MYO1E: variants seen among roughly 807,000 people sequenced by gnomAD.
The protein encoded by MYO1E is unconventional myosin-Ie.
A neutral mutation model predicts 151.1 loss-of-function variants in MYO1E; 68 were observed. The ratio of observed to expected loss-of-function variants is 0.45; its 90% CI spans 0.37 to 0.55. The LOEUF is 0.55. Among genes scored for constraint, MYO1E ranks in the 20% least tolerant of loss-of-function variants. MYO1E has a pLI of 0.00. For missense variants in MYO1E, 1,363 were observed against 1,389.3 expected, an observed-to-expected ratio of 0.98 and a Z score of 0.30; for synonymous variants, 601 against 501.7, an observed-to-expected ratio of 1.20 and a Z score of -2.64.
chr15:59,238,226 T>C (rs1233680513), intron 4 of MYO1E, among the ~76,000 whole-genome samples: 5 of 152,196 alleles, frequency 3.3e-5, no homozygotes, highest in African/African-American at 1.2e-4. Flanking sequence ...CATACTCAGA[T>C]GATGTATTTA....
At chr15:59,301,717 G>C (rs1423501949) in intron 1 of MYO1E, among the ~76,000 whole-genome samples, 1 of 151,964 alleles carries the variant, frequency 6.6e-6, no homozygotes, top group Non-Finnish European at 1.5e-5. Flanking sequence ...GAGCCTGCTG[G>C]AGCCTGAAGA....
At chr15:59,163,407 A>T (rs1463853251) in intron 22 of MYO1E, 104 bp from the exon 23 acceptor site, 1 of 1,152,678 alleles carries the variant, frequency 8.7e-7, no homozygotes, top group African/African-American at 1.6e-5. Context: ...TAGTGCTAAG[A>T]TTTTACAGTC....
chr15:59,162,488 A>T (rs904390513), intron 23 of MYO1E, among the ~76,000 whole-genome samples: 1 of 152,000 alleles, frequency 6.6e-6, no homozygotes, highest in Non-Finnish European at 1.5e-5. Flanking sequence ...TACTAAAAAT[A>T]AGAAAACATT....
intron 14 of MYO1E, chr15:59,208,412 G>A: frequency 1.7e-6 from 1 of 576,658 alleles, no homozygotes; most frequent in South Asian, 2.1e-5. Flanking sequence ...TTAGATATAT[G>A]CTATTTCTTT....
At chr15:59,183,063 C>T (rs1439860793) in intron 18 of MYO1E, among the ~76,000 whole-genome samples, 31 of 152,156 alleles carry the variant, frequency 2.0e-4, no homozygotes, top group South Asian at 6.2e-4. Flanking sequence ...CGGTAATGCT[C>T]GCTGGCCTGC....
chr15:59,343,600 A>C (rs1257564877), intron 1 of MYO1E, among the ~76,000 whole-genome samples: 2 of 151,632 alleles, frequency 1.3e-5, no homozygotes, highest in Admixed American at 1.3e-4. Flanking sequence ...TTCCACCATT[A>C]TCTCTCTCTC....
At chr15:59,214,071 T>A (rs1281520870) in intron 12 of MYO1E, among the ~76,000 whole-genome samples, 157 bp downstream of exon 12, 1 of 152,226 alleles carries the variant, frequency 6.6e-6, no homozygotes, top group Non-Finnish European at 1.5e-5. Context: ...TAGATTAAAA[T>A]GCCACAATGG....
In MYO1E at chr15:59,136,480, G is replaced by T. The variant is rs16941061; in HGVS notation, c.*900C>A. On this transcript the variant is annotated 3_prime_UTR_variant, in exon 28 of 28. Coordinates refer to ENST00000288235, the MANE Select transcript of MYO1E (RefSeq NM_004998.4). ...CTGACCTAGAAAGCAGTGACACTCCGTAGTTGGAAAAAAGCAGAGCACATC... is the reference window on the plus strand; with the variant it reads ...CTGACCTAGAAAGCAGTGACACTCCTTAGTTGGAAAAAAGCAGAGCACATC... 1 of 294,922 alleles carries T rather than the reference G, an allele frequency of 3.4e-6. No individual in the cohort carries two copies. The highest frequency in any genetic ancestry group is 2.2e-5 in the African/African-American group (1 of 46,152). 18.3% of individuals were successfully genotyped at this position (294,922 alleles called of 1,614,324 possible).
chr15:59,298,603 C>A (rs1310743772), intron 1 of MYO1E, among the ~76,000 whole-genome samples: 1 of 152,168 alleles, frequency 6.6e-6, no homozygotes, highest in African/African-American at 2.4e-5. Context: ...GTGAACCTCA[C>A]CCCTGCTCCA....
At chr15:59,327,615 A>C (rs1275254038) in intron 1 of MYO1E, among the ~76,000 whole-genome samples, 2 of 152,038 alleles carry the variant, frequency 1.3e-5, no homozygotes, top group Non-Finnish European at 2.9e-5. Flanking sequence ...ACGCCCAGCC[A>C]TTTATTTACT....
chr15:59,227,313 C>T, intron 7 of MYO1E, 146 bp downstream of exon 7: 1 of 972,030 alleles, frequency 1.0e-6, no homozygotes, highest in East Asian at 2.6e-5. Flanking sequence ...GCAGGACATT[C>T]TCACAATTCT....
chr15:59,147,500 G>A (rs2079448157), intron 26 of MYO1E, among the ~76,000 whole-genome samples: 1 of 148,936 alleles, frequency 6.7e-6, no homozygotes, highest in Non-Finnish European at 1.5e-5. Flanking sequence ...GTTGAGGCAT[G>A]AGAATCGCTT....
rs2079449228 is a variant in MYO1E at position 59,147,605 on chromosome 15, A to AAAAAAAC, written c.3080+5984_3080+5985insGTTTTTT. 2.0e-5 allele frequency among the ~76,000 whole-genome samples: 3 copies of AAAAAAAC among 151,050 alleles called. 1 individual carries two copies. The highest frequency in any genetic ancestry group is 1.3e-4 in the Admixed American group (2 of 15,130). On this transcript the variant is annotated intron_variant, in intron 26 of 27. Transcript: ENST00000288235. ...GAGTGAGACTCTGTCTCAAAAAAAA[A>AAAAAAAC]AAAAAAAAAACAATACAAAAAAAAG...
chr15:59,137,953 G>A (rs1481162470), intron 27 of MYO1E, among the ~76,000 whole-genome samples: 2 of 152,196 alleles, frequency 1.3e-5, no homozygotes, highest in African/African-American at 4.8e-5. Context: ...TGGAATTGCT[G>A]CTGCCGTTTT....
intron 15 of MYO1E, among the ~76,000 whole-genome samples, chr15:59,203,429 G>A (rs1438791081): frequency 6.6e-6 from 1 of 151,288 alleles, no homozygotes; most frequent in Non-Finnish European, 1.5e-5. Context: ...CACCAGGCTG[G>A]AGTGCAGTGG....
chr15:59,312,654 C>G (rs534863075), intron 1 of MYO1E, among the ~76,000 whole-genome samples: 45 of 152,166 alleles, frequency 3.0e-4, no homozygotes, highest in African/African-American at 1.0e-3. Context: ...GAACACCATC[C>G]TTGATCATGC....
chr15:59,206,793 C>A, intron 14 of MYO1E: 2 of 740,064 alleles, frequency 2.7e-6, no homozygotes, highest in Non-Finnish European at 2.2e-6. Flanking sequence ...CTGGCAAGGC[C>A]CGCGCAGCCG....
chr15:59,371,820 T>C (rs1220035723), intron 1 of MYO1E, among the ~76,000 whole-genome samples: 2 of 150,644 alleles, frequency 1.3e-5, no homozygotes, highest in Admixed American at 6.6e-5. Context: ...CCGGCACAGG[T>C]CCGGGGCGGC....
At position 59,321,091 on chromosome 15, in the gene MYO1E, C is replaced by T. The variant is rs529791846; in HGVS notation, c.4-48642G>A. Among the ~76,000 whole-genome samples, 19 of 152,192 alleles carry T rather than the reference C, an allele frequency of 1.2e-4. 2 individuals are homozygous for T. The South Asian group carries it at 3.9e-3, about 32-fold the overall frequency. On this transcript the variant is annotated intron_variant, in intron 1 of 27. Coordinates refer to ENST00000288235, the MANE Select transcript of MYO1E (RefSeq NM_004998.4). ...GTTAAAAAAATGAAAAAATGCTCAA[C>T]ATCACTAATTATCATAGAAATACAA...
Sources: allele counts gnomAD v4.1 joint callset (sites outside exome capture counted in the v4.1 genomes callset), GRCh38; gene constraint gnomAD v4.1.1; transcripts MANE v1.5; gene names NCBI Gene and HGNC (gene_info 2026-07-23, HGNC 2026-07-21).